Variants in KIAA1549L observed in about 807,000 individuals in gnomAD.
KIAA1549L encodes the protein KIAA1549 like.
In KIAA1549L, 88 loss-of-function variants were observed where a neutral mutation model predicts 160.7. That is an observed-to-expected ratio of 0.55 (90% confidence interval 0.46 to 0.65). KIAA1549L has a LOEUF of 0.65. Among genes scored for constraint, KIAA1549L ranks in the 30% least tolerant of loss-of-function variants. The probability of loss-of-function intolerance (pLI) is 0.00; values close to 1 mark genes in which losing one functional copy is unlikely to be tolerated. For missense variants in KIAA1549L, 2,258 were observed against 2,437.5 expected, an observed-to-expected ratio of 0.93 and a Z score of 1.55; for synonymous variants, 950 against 976.7, an observed-to-expected ratio of 0.97 and a Z score of 0.51.
At chr11:33,471,357 G>T (rs1852174557) in intron 1 of KIAA1549L, among the ~76,000 whole-genome samples, 1 of 151,744 alleles carries the variant, frequency 6.6e-6, no homozygotes, top group African/African-American at 2.4e-5. Flanking sequence ...CACTTCATTA[G>T]TTCTCTAAGT....
intron 1 of KIAA1549L, among the ~76,000 whole-genome samples, chr11:33,478,456 G>C (rs905560528): frequency 6.6e-6 from 1 of 152,230 alleles, no homozygotes; most frequent in Non-Finnish European, 1.5e-5. Context: ...CTGCAGAGCT[G>C]TTATAACCAC....
At chr11:33,599,986 A>G (rs1400298533) in intron 13 of KIAA1549L, among the ~76,000 whole-genome samples, 2 of 152,164 alleles carry the variant, frequency 1.3e-5, no homozygotes, top group African/African-American at 4.8e-5. Flanking sequence ...TTGTTTTCAA[A>G]TATCACTTTT....
intron 1 of KIAA1549L, among the ~76,000 whole-genome samples, chr11:33,506,255 G>T (rs545319635): frequency 5.1e-4 from 77 of 152,280 alleles, no homozygotes; most frequent in African/African-American, 1.8e-3. Context: ...AATGGGGAGG[G>T]GATGCCCAGT....
At position 33,542,468 on chromosome 11, in the gene KIAA1549L, C is replaced by A; in HGVS notation, c.905C>A (p.Ala302Glu). ...IPFSDEMDHT[A>E]SQNAQDLIGI... is the part of the protein sequence containing the mutation. ...TTTTCTGATGAAATGGACCACACTG[C>A]ATCCCAAAATGCCCAGGATCTCATA... is the stretch of plus-strand genomic sequence containing the variant. The change falls in exon 2 of 21, where the codon GCA becomes GAA. Residue 302 changes from alanine (A) to glutamate (E), a missense_variant. By Grantham distance (107) the Ala-to-Glu change is moderately radical. Transcript: ENST00000658780. 1 of 1,612,086 alleles carries A rather than the reference C, an allele frequency of 6.2e-7. No individual in the cohort carries two copies.
chr11:33,592,591 TG>T (rs1850090523), intron 12 of KIAA1549L, among the ~76,000 whole-genome samples: 1 of 152,222 alleles, frequency 6.6e-6, no homozygotes, highest in African/African-American at 2.4e-5. Context: ...TATCAGGCAC[TG>T]GGGATATTGC....
chr11:33,601,749 G>A (rs577704295), intron 13 of KIAA1549L, among the ~76,000 whole-genome samples: 2 of 152,286 alleles, frequency 1.3e-5, no homozygotes, highest in South Asian at 4.1e-4. Context: ...TGTTACATCT[G>A]TAGCTTCCAA....
rs1274975750 is a variant in KIAA1549L, at chr11:33,551,242, A to G, written c.3704A>G (p.Tyr1235Cys). The part of the protein sequence containing the change: ...ASPWNPQPAG[Y>C]FQLKTVLQFV... ...CCATGGAATCCCCAGCCTGCAGGCT[A>G]CTTCCAGCTAAAAACAGGCAAGTGA... Residue 1235 changes from tyrosine (Y) to cysteine (C), a missense_variant, in exon 5 of 21, where the codon TAC becomes TGC. Tyr to Cys is a radical substitution (Grantham distance 194). Transcript: ENST00000658780. The G allele has an allele frequency of 6.8e-6, 11 of 1,613,076 alleles. No individual in the cohort carries two copies. The highest frequency in any genetic ancestry group is 8.5e-6 in the Non-Finnish European group (10 of 1,179,770).
At chr11:33,577,547 G>A (rs564859142) in intron 10 of KIAA1549L, among the ~76,000 whole-genome samples, 2 of 152,318 alleles carry the variant, frequency 1.3e-5, no homozygotes, top group South Asian at 4.2e-4. Flanking sequence ...TTCTAATGAG[G>A]AGAAAGTGGA....
At chr11:33,412,053 ACATTCT>A (rs1422277145) in intron 1 of KIAA1549L, among the ~76,000 whole-genome samples, 2 of 152,190 alleles carry the variant, frequency 1.3e-5, no homozygotes, top group Admixed American at 1.3e-4. Flanking sequence ...GATCAGTGAA[ACATTCT>A]CATTTCTGTT....
intron 1 of KIAA1549L, among the ~76,000 whole-genome samples, chr11:33,407,288 G>T (rs936795753): frequency 6.6e-6 from 1 of 151,460 alleles, no homozygotes; most frequent in Non-Finnish European, 1.5e-5. Context: ...GTTTCACCGT[G>T]TTAGCCAGGA....
intron 15 of KIAA1549L, among the ~76,000 whole-genome samples, chr11:33,612,657 C>T (rs551466308): frequency 2.3e-4 from 34 of 149,332 alleles, no homozygotes; most frequent in Non-Finnish European, 4.2e-4. Flanking sequence ...TTTGTTATAT[C>T]GATAAACTTC....
intron 1 of KIAA1549L, among the ~76,000 whole-genome samples, chr11:33,541,483 C>A (rs1026296660): frequency 6.6e-6 from 1 of 152,194 alleles, no homozygotes; most frequent in Non-Finnish European, 1.5e-5. Flanking sequence ...TGGCAGTTGA[C>A]CACATTCAGC....
At chr11:33,412,365 A>G (rs1414420741) in intron 1 of KIAA1549L, among the ~76,000 whole-genome samples, 2 of 152,220 alleles carry the variant, frequency 1.3e-5, no homozygotes, top group Non-Finnish European at 2.9e-5. Flanking sequence ...TAAAATAATT[A>G]CATGTATTGT....
At chr11:33,391,606 G>C (rs1166106441) in intron 1 of KIAA1549L, among the ~76,000 whole-genome samples, 1 of 152,148 alleles carries the variant, frequency 6.6e-6, no homozygotes, top group Non-Finnish European at 1.5e-5. Context: ...AAGGAGACTG[G>C]GAGTCTTGGC....
chr11:33,538,039 A>G (rs1853931809), intron 1 of KIAA1549L, among the ~76,000 whole-genome samples: 1 of 152,226 alleles, frequency 6.6e-6, no homozygotes, highest in Non-Finnish European at 1.5e-5. Context: ...CTCACAGATC[A>G]GCATGGCTGG....
At chr11:33,412,039 G>A (rs529627041) in intron 1 of KIAA1549L, among the ~76,000 whole-genome samples, 7 of 152,294 alleles carry the variant, frequency 4.6e-5, no homozygotes, top group East Asian at 1.9e-4. Context: ...GAAATGTAGC[G>A]TCGGATCAGT....
Position 33,401,032 on chromosome 11 carries a change from G to A in KIAA1549L, c.238+24143G>A, listed in dbSNP as rs540648783. On this transcript the variant is annotated intron_variant, in intron 1 of 20. Coordinates refer to ENST00000658780, the MANE Select transcript of KIAA1549L (RefSeq NM_012194.3). ...TGTATCTGCCTTTCCTCTGCCCCAT[G>A]AGCTGCGTCCCAGGTCTAAGGATGA... Among the ~76,000 whole-genome samples, 3 of 152,122 alleles carry A rather than the reference G, an allele frequency of 2.0e-5. No individual in the cohort carries two copies. In the South Asian group the frequency reaches 6.2e-4, roughly 32 times the overall value.
At position 33,606,809 on chromosome 11, in the gene KIAA1549L, T is replaced by C. The variant is rs1308164323; in HGVS notation, c.5048T>C (p.Val1683Ala). 1 of 1,607,238 alleles carries C rather than the reference T, an allele frequency of 6.2e-7. No individual in the cohort carries two copies. The highest frequency in any genetic ancestry group is 8.5e-7 in the Non-Finnish European group (1 of 1,176,638). Residue 1683 changes from valine to alanine, a missense_variant, in exon 14 of 21, where the codon GTC (valine) becomes GCC (alanine). Val to Ala is a moderately conservative substitution (Grantham distance 64, BLOSUM62 0). Coordinates refer to ENST00000658780, the MANE Select transcript of KIAA1549L (RefSeq NM_012194.3). Reference protein sequence around the residue: ...TSDRSQESSAVLNGEVNKALK... With the variant: ...TSDRSQESSAALNGEVNKALK... ...GACAGGAGCCAGGAGTCATCGGCAG[T>C]CCTCAACGGCGAGGTAAGTGCCTGG...
intron 1 of KIAA1549L, among the ~76,000 whole-genome samples, chr11:33,506,995 A>G (rs1203005239): frequency 3.3e-5 from 5 of 152,106 alleles, no homozygotes; most frequent in Non-Finnish European, 7.4e-5. Flanking sequence ...AGGGATGGGG[A>G]TCAGCCCTGT....
Sources: gnomAD v4.1 joint callset for allele counts (sites outside exome capture counted in the v4.1 genomes callset) on GRCh38, gnomAD v4.1.1 for gene constraint, MANE v1.5 for transcripts, NCBI Gene and HGNC (gene_info 2026-07-23, HGNC 2026-07-21) for gene names.